The following STARD6 variants were observed in gnomAD, a reference collection of about 807,000 sequenced individuals.
The protein encoded by STARD6 is StAR related lipid transfer domain containing 6.
Under a neutral mutation model 22.3 loss-of-function variants are expected in STARD6, and 21 were observed. The ratio of observed to expected loss-of-function variants is 0.94; its 90% CI spans 0.67 to 1.35. STARD6 has a LOEUF of 1.35. Among genes scored for constraint, STARD6 ranks in the 40% most tolerant of loss-of-function variants. The pLI is 0.00. For synonymous variants in STARD6, 80 were observed against 88.1 expected (o/e 0.91, Z 0.52); for missense variants, 269 against 266.9 (o/e 1.01, Z -0.05).
At chr18:54,342,310 T>C (rs141887408) in intron 4 of STARD6, among the ~76,000 whole-genome samples, 2 of 151,978 alleles carry the variant, frequency 1.3e-5, no homozygotes, top group African/African-American at 4.8e-5. Flanking sequence ...TAAAGAAAAA[T>C]TTTTACATAA....
chr18:54,330,603 A>T (rs1599296063), intron 6 of STARD6, among the ~76,000 whole-genome samples: 2 of 150,176 alleles, frequency 1.3e-5, no homozygotes, highest in Non-Finnish European at 3.0e-5. Flanking sequence ...AGGGCAGGAT[A>T]AAAAAAAAGA....
Position 54,354,519 on chromosome 18 carries a change from G to A in STARD6, c.55C>T (p.Arg19Ter), listed in dbSNP as rs17292725. 50,384 of 1,612,566 alleles carry A rather than the reference G, an allele frequency of 0.031. 973 individuals are homozygous for A. The highest frequency in any genetic ancestry group is 0.073 in the Middle Eastern group (443 of 6,052). Residue 19 changes from arginine to a stop codon, truncating the protein, a stop_gained, in exon 3 of 8, where the codon CGA (arginine) becomes TGA (stop). Transcript: ENST00000307844. LOFTEE classifies it high-confidence loss of function. ...ACCACTTTCCAGCCTGATGTATCTCGATTATAACCTAAAACTTCTTGGGCA... is the reference window on the plus strand; with the variant it reads ...ACCACTTTCCAGCCTGATGTATCTCAATTATAACCTAAAACTTCTTGGGCA... The part of the protein sequence containing the change: ...QTAQEVLGYN[R>*]DTSGWKVVKT...
chr18:54,344,583 T>TAAAAAAAAAAAAAAAAAAAA (rs55736082), intron 4 of STARD6, among the ~76,000 whole-genome samples: 5 of 94,090 alleles, frequency 5.3e-5, no homozygotes, highest in African/African-American at 1.7e-4. Flanking sequence ...AAAAATAAAT[T>TAAAAAAAAAAAAAAAAAAAA]AAAAAAAAAA....
chr18:54,348,393 C>T (rs144272581), intron 4 of STARD6, among the ~76,000 whole-genome samples: 100 of 152,206 alleles, frequency 6.6e-4, no homozygotes, highest in Non-Finnish European at 1.1e-3. Context: ...TACATTCTGC[C>T]AGAATCCATC....
rs112199409 is a variant in STARD6 at position 54,335,440 on chromosome 18, C to T, written c.267+1685G>A. 3.3e-5 allele frequency among the ~76,000 whole-genome samples: 5 copies of T among 152,016 alleles called. No homozygotes were observed. The South Asian group carries it at 6.2e-4, about 19-fold the overall frequency. On this transcript the variant is annotated intron_variant, in intron 5 of 7. Transcript: ENST00000307844. Reference sequence around the variant, plus strand: ...AACTCCTGACCTCAGGTGATCCACCCGCCTCTGCCTCCCAAAGTTCTGGGA... The same window carrying T: ...AACTCCTGACCTCAGGTGATCCACCTGCCTCTGCCTCCCAAAGTTCTGGGA...
chr18:54,343,256 T>C (rs1242005651), intron 4 of STARD6, among the ~76,000 whole-genome samples: 9 of 71,392 alleles, frequency 1.3e-4, no homozygotes, highest in Middle Eastern at 0.013. Flanking sequence ...GAGGAGCCCC[T>C]CCGCCCGGCA....
chr18:54,337,191 T>A lies in STARD6; in HGVS notation c.201A>T (p.Gln67His). The change falls in exon 5 of 8, where the codon CAA (glutamine) becomes CAT (histidine). Residue 67 changes from glutamine (Q) to histidine (H), a missense_variant. Gln to His is a conservative substitution (Grantham distance 24, BLOSUM62 0). Transcript: ENST00000307844. ...TATCCCATGTAATTCTGTCTCCAGT[T>A]TGGTAGAGGAAATCAGATAGTTTAG... ...SPAKLSDFLYQTGDRITWDKS... is the reference protein window; with the variant it reads ...SPAKLSDFLYHTGDRITWDKS... The A allele has an allele frequency of 1.2e-6, 2 of 1,613,444 alleles. No homozygotes were observed. The highest frequency in any genetic ancestry group is 1.7e-6 in the Non-Finnish European group (2 of 1,179,580).
chr18:54,352,027 T>C (rs1378392744), intron 4 of STARD6, among the ~76,000 whole-genome samples: 1 of 151,890 alleles, frequency 6.6e-6, no homozygotes, highest in Non-Finnish European at 1.5e-5. Context: ...CATACCAATT[T>C]TCTTTGAATG....
At chr18:54,330,666 T>G (rs2088858295) in intron 6 of STARD6, among the ~76,000 whole-genome samples, 1 of 152,126 alleles carries the variant, frequency 6.6e-6, no homozygotes, top group African/African-American at 2.4e-5. Context: ...TGGAAACTTT[T>G]AAAAGCAAAT....
chr18:54,348,073 CT>C (rs948001383), intron 4 of STARD6, among the ~76,000 whole-genome samples: 3 of 152,082 alleles, frequency 2.0e-5, no homozygotes, highest in African/African-American at 7.2e-5. Flanking sequence ...GTAAGAATGA[CT>C]TTCATCTTCT....
chr18:54,337,305 GAAA>G, intron 4 of STARD6, 54 bp from the exon 5 acceptor site: 1 of 1,535,800 alleles, frequency 6.5e-7, no homozygotes, highest in Non-Finnish European at 8.8e-7. Flanking sequence ...AGTCTAAGCT[GAAA>G]ATATAATACT....
At chr18:54,329,605 AATACC>A (rs2088850661) in intron 6 of STARD6, among the ~76,000 whole-genome samples, 165 bp from the exon 7 acceptor site, 1 of 152,100 alleles carries the variant, frequency 6.6e-6, no homozygotes, top group Admixed American at 6.5e-5. Context: ...AAATTGAGAA[AATACC>A]AGTATCAACA....
chr18:54,336,408 A>G (rs575768674), intron 5 of STARD6, among the ~76,000 whole-genome samples: 4 of 152,266 alleles, frequency 2.6e-5, no homozygotes, highest in African/African-American at 9.6e-5. Context: ...CCAGTGAAGA[A>G]GGTGCCTGCT....
intron 4 of STARD6, among the ~76,000 whole-genome samples, chr18:54,349,470 G>A (rs903444347): frequency 6.6e-6 from 1 of 152,060 alleles, no homozygotes; most frequent in Non-Finnish European, 1.5e-5. Context: ...AGGTAAGTGG[G>A]GCCCAGATAG....
In STARD6 at chr18:54,341,246, A is replaced by G. The variant is rs568171762; in HGVS notation, c.141-3995T>C. Among the ~76,000 whole-genome samples, 4 of 152,244 alleles carry G rather than the reference A, an allele frequency of 2.6e-5. No individual in the cohort carries two copies. In the South Asian group the frequency reaches 8.3e-4, roughly 32 times the overall value. On this transcript the variant is annotated intron_variant, in intron 4 of 7. Transcript: ENST00000307844. ...GGCTAATTTTTTGTATTTTTAGTAG[A>G]GACGGGGTTTCACCGTGTTAGCCAG...
At chr18:54,331,022 G>T (rs1195971530) in intron 6 of STARD6, among the ~76,000 whole-genome samples, 1 of 152,066 alleles carries the variant, frequency 6.6e-6, no homozygotes, top group Non-Finnish European at 1.5e-5. Context: ...TATCTCGGAG[G>T]AACTGAAATC....
Position 54,324,544 on chromosome 18 carries a change from A to G in STARD6, c.*148T>C. ...TATTCTTGTACAACTATGAGTTCTT[A>G]TTTTTATGAACTATCTTCAGCCATG... On this transcript the variant is annotated 3_prime_UTR_variant, in exon 8 of 8. Coordinates refer to ENST00000307844, the MANE Select transcript of STARD6 (RefSeq NM_139171.2). The G allele has an allele frequency of 1.5e-6, 1 of 662,708 alleles. No individual in the cohort carries two copies. The highest frequency in any genetic ancestry group is 2.3e-6 in the Non-Finnish European group (1 of 428,276). 41.1% of individuals were successfully genotyped at this position (662,708 alleles called of 1,614,324 possible).
chr18:54,339,014 C>A (rs2088943676), intron 4 of STARD6, among the ~76,000 whole-genome samples: 1 of 123,170 alleles, frequency 8.1e-6, no homozygotes, highest in South Asian at 2.7e-4. Context: ...TGCCACTGCA[C>A]TCCAGCCTGG....
chr18:54,355,547 A>C (rs1303528615), intron 2 of STARD6, among the ~76,000 whole-genome samples: 2 of 152,172 alleles, frequency 1.3e-5, no homozygotes, highest in Non-Finnish European at 2.9e-5. Context: ...CCATGTGAGG[A>C]CACTGCCAGA....
Sources: allele counts gnomAD v4.1 joint callset (sites outside exome capture counted in the v4.1 genomes callset), GRCh38; gene constraint gnomAD v4.1.1; transcripts MANE v1.5; gene names NCBI Gene and HGNC (gene_info 2026-07-23, HGNC 2026-07-21).